Variants in TJP2 observed in about 807,000 individuals in gnomAD.
The protein encoded by TJP2 is Friedreich ataxia region gene X104 (tight junction protein ZO-2).
In TJP2, 91 loss-of-function variants were observed where a neutral mutation model predicts 133.1. That is an observed-to-expected ratio of 0.68 (90% CI 0.58 to 0.81). The LOEUF (loss-of-function observed/expected upper bound fraction) is 0.81. Among genes scored for constraint, TJP2 ranks in the 40% least tolerant of loss-of-function variants. TJP2 has a pLI of 0.00. For missense variants in TJP2, 1,541 were observed against 1,565.6 expected, an observed-to-expected ratio of 0.98 and a Z score of 0.26; for synonymous variants, 592 against 583.4, an observed-to-expected ratio of 1.01 and a Z score of -0.21.
intron 2 of TJP2, among the ~76,000 whole-genome samples, chr9:69,159,971 A>G (rs1823985746): frequency 6.6e-6 from 1 of 151,164 alleles, no homozygotes; most frequent in Non-Finnish European, 1.5e-5. Flanking sequence ...ATAAAGAGGG[A>G]TGCTTTCCCA....
chr9:69,179,995 T>G (rs1825379649), intron 1 of TJP2, among the ~76,000 whole-genome samples: 1 of 152,242 alleles, frequency 6.6e-6, no homozygotes, highest in South Asian at 2.1e-4. Flanking sequence ...GTGGTAATTA[T>G]TATTTCTATT....
intron 15 of TJP2, 123 bp from the exon 16 acceptor site, chr9:69,238,587 C>T: frequency 1.3e-6 from 1 of 792,150 alleles, no homozygotes; most frequent in Admixed American, 2.0e-5. Context: ...GGGTCCTTCC[C>T]ACTGAATCTT....
At position 69,252,902 on chromosome 9, in the gene TJP2, T is replaced by C; in HGVS notation, c.3407+2T>C. 4 of 1,614,098 alleles carry C rather than the reference T, an allele frequency of 2.5e-6. No individual in the cohort carries two copies. Among genetic ancestry groups the C allele is most frequent in the Non-Finnish European group, 2.5e-6 (3 of 1,179,970 alleles). On this transcript the variant is annotated splice_donor_variant, in intron 22 of 22. Transcript: ENST00000377245. LOFTEE classifies it high-confidence loss of function. ...CCCTGGCACGCCCCAGCACACGAGGTAAGGGCTGCCTAGTGGGTACAGGTC... is the reference window on the plus strand; with the variant it reads ...CCCTGGCACGCCCCAGCACACGAGGCAAGGGCTGCCTAGTGGGTACAGGTC...
chr9:69,179,899 G>A (rs886219787), intron 1 of TJP2, among the ~76,000 whole-genome samples: 5 of 152,152 alleles, frequency 3.3e-5, no homozygotes, highest in Admixed American at 3.3e-4. Flanking sequence ...ATCATGGCAA[G>A]GATCTTATGT....
At position 69,234,699 on chromosome 9, in the gene TJP2, A is replaced by G. The variant is rs913333502; in HGVS notation, c.1780+152A>G. ...GTCCTTGGGCCCTAGGTGTGTGAAG[A>G]AAATGTGAGTGCCGTTTAACTTTCC... On this transcript the variant is annotated intron_variant, in intron 12 of 22. Transcript: ENST00000377245. 77 of 578,264 alleles carry G rather than the reference A, an allele frequency of 1.3e-4. No homozygotes were observed. In the African/African-American group the frequency reaches 1.4e-3, roughly 11 times the overall value. The allele number at this position is 578,264 out of a possible 1,614,324, so 35.8% of individuals were successfully genotyped here.
chr9:69,134,094 G>T (rs4745626), intron 1 of TJP2, among the ~76,000 whole-genome samples: 1 of 152,080 alleles, frequency 6.6e-6, no homozygotes, highest in Non-Finnish European at 1.5e-5. Flanking sequence ...GCTTGTTGCA[G>T]CATTAGACTG....
At chr9:69,233,832 A>G (rs984309302) in intron 11 of TJP2, among the ~76,000 whole-genome samples, 3 of 152,126 alleles carry the variant, frequency 2.0e-5, no homozygotes, top group African/African-American at 7.2e-5. Flanking sequence ...TTTGTGCTAC[A>G]TTTCAATTTT....
rs151117327 is a variant in TJP2, at chr9:69,205,207, A to G, written c.61-7341A>G. ...ACATAGGATGTGGATCCAGGCTGTT[A>G]AAAAGTTGAGGAGATGGAAAGGCCG... On this transcript the variant is annotated intron_variant, in intron 1 of 22. Transcript: ENST00000377245. 2.6e-4 allele frequency: 403 copies of G among 1,537,250 alleles called. No homozygotes were observed. The highest frequency in any genetic ancestry group is 6.3e-4 in the Admixed American group (32 of 51,000).
intron 9 of TJP2, 130 bp downstream of exon 9, chr9:69,228,244 A>G: frequency 8.6e-7 from 1 of 1,166,274 alleles, no homozygotes; most frequent in African/African-American, 1.5e-5. Context: ...TCCTAAGCTA[A>G]TTAACATGGT....
At chr9:69,253,982 G>T in intron 22 of TJP2, 1 of 582,532 alleles carries the variant, frequency 1.7e-6, no homozygotes, top group Non-Finnish European at 3.1e-6. Context: ...TCTTAGGTCA[G>T]GGAGCACCTG....
At chr9:69,175,382 T>G (rs1587972013) in intron 1 of TJP2, among the ~76,000 whole-genome samples, 1 of 152,202 alleles carries the variant, frequency 6.6e-6, no homozygotes, top group Admixed American at 6.5e-5. Context: ...GCTCCCCAGG[T>G]GGTCTGTGCT....
intron 1 of TJP2, among the ~76,000 whole-genome samples, chr9:69,142,532 C>A (rs1490449074): frequency 6.6e-6 from 1 of 152,056 alleles, no homozygotes; most frequent in East Asian, 1.9e-4. Flanking sequence ...TTGCTGTTTC[C>A]CTAACTCTTC....
At chr9:69,244,274 A>G (rs76584040) in intron 17 of TJP2, among the ~76,000 whole-genome samples, 3,564 of 151,988 alleles carry the variant, frequency 0.023, 141 homozygotes, top group African/African-American at 0.082. Context: ...AATCAATCTT[A>G]GAACATTTTT....
intron 1 of TJP2, among the ~76,000 whole-genome samples, chr9:69,190,628 A>G (rs1400152878): frequency 2.0e-5 from 3 of 152,248 alleles, no homozygotes; most frequent in Non-Finnish European, 4.4e-5. Flanking sequence ...TGTTGAGGAT[A>G]GAAATGAAAA....
chr9:69,232,201 A>G (rs1207588744), intron 11 of TJP2, among the ~76,000 whole-genome samples: 1 of 152,202 alleles, frequency 6.6e-6, no homozygotes. Context: ...GTCATCCCAT[A>G]TGGAGGTCAG....
rs181973262 is a variant in TJP2 at position 69,212,533 on chromosome 9, G to A, written c.61-15G>A. The A allele has an allele frequency of 2.3e-5, 37 of 1,607,586 alleles. No homozygotes were observed. The Admixed American group carries it at 6.0e-4, about 26-fold the overall frequency. On this transcript the variant is annotated splice_polypyrimidine_tract_variant and intron_variant, in intron 1 of 22. Transcript: ENST00000377245. ...TTGTGGTTTTCATCAGATTGGTTTT[G>A]TTCTTTTAAAACAGGCCCCAGGCAT...
intron 1 of TJP2, among the ~76,000 whole-genome samples, chr9:69,193,453 A>C (rs1455328370): frequency 2.7e-5 from 4 of 150,330 alleles, no homozygotes; most frequent in African/African-American, 9.8e-5. Flanking sequence ...TCTGCCAGTA[A>C]TTTTTGTTTC....
chr9:69,227,703 C>T, intron 7 of TJP2, 62 bp from the exon 8 acceptor site: 2 of 1,201,124 alleles, frequency 1.7e-6, no homozygotes, highest in African/African-American at 1.5e-5. Flanking sequence ...AGTGCAATTT[C>T]TCTGGGTAGG....
rs34986827 is a variant in TJP2, at chr9:69,148,275, CA to C, written c.-130-3364del. Among the ~76,000 whole-genome samples the C allele has an allele frequency of 5.5e-4, 49 of 88,632 alleles. 1 individual carries two copies. The South Asian group carries it at 0.01, about 18-fold the overall frequency. The allele number at this position is 88,632 out of a possible 152,430, so 58.1% of individuals were successfully genotyped here. On this transcript the variant is annotated intron_variant, in intron 1 of 5. Coordinates refer to the TJP2 transcript ENST00000423935. ...TTTTTTTTTTTTTGAGACACAGTCT[CA>C]AAAAAAAAAAAGCCACAATTGGAAG...
Sources: allele counts gnomAD v4.1 joint callset (sites outside exome capture counted in the v4.1 genomes callset), GRCh38; gene constraint gnomAD v4.1.1; transcripts MANE v1.5; gene names NCBI Gene and HGNC (gene_info 2026-07-23, HGNC 2026-07-21).